The following DLC1 variants were observed in gnomAD, a reference collection of about 807,000 sequenced individuals.
The protein encoded by DLC1 is DLC1 Rho GTPase activating protein.
In DLC1, 54 loss-of-function variants were observed where a neutral mutation model predicts 140.3. The ratio of observed to expected loss-of-function variants is 0.38; its 90% CI spans 0.31 to 0.48. The LOEUF (loss-of-function observed/expected upper bound fraction) is 0.48. Ranked by LOEUF, DLC1 falls within the 20% of genes least tolerant of loss-of-function variation. The pLI is 0.96. For missense variants in DLC1, 2,536 were observed against 1,907.0 expected (o/e 1.33, Z -6.14); for synonymous variants, 986 against 728.1 (o/e 1.35, Z -5.70).
rs751705808 is a variant in DLC1 at position 13,115,703 on chromosome 8, C to T, written c.1349-46G>A. On this transcript the variant is annotated intron_variant, in intron 5 of 17. Coordinates refer to ENST00000276297, the MANE Select transcript of DLC1 (RefSeq NM_182643.3). The stretch of plus-strand genomic sequence containing the variant: ...GACAAAATTAGCCATGTGTACCTCG[C>T]CATGCTTATTTTTCCTGAATAAGCT... The T allele has an allele frequency of 4.7e-5, 74 of 1,576,670 alleles. No homozygotes were observed. The East Asian group carries it at 1.6e-3, about 35-fold the overall frequency.
At chr8:13,451,541 C>G (rs1799059038) in intron 2 of DLC1, among the ~76,000 whole-genome samples, 1 of 152,128 alleles carries the variant, frequency 6.6e-6, no homozygotes, top group Non-Finnish European at 1.5e-5. Context: ...CCTCTGGTAA[C>G]CAGCCTCCTA....
intron 1 of DLC1, among the ~76,000 whole-genome samples, chr8:13,577,875 A>G (rs1271723547): frequency 1.3e-5 from 2 of 152,082 alleles, no homozygotes; most frequent in Non-Finnish European, 2.9e-5. Context: ...ACCCATGACA[A>G]TTGTTGCTTT....
At chr8:13,176,600 C>A (rs1267444339) in intron 5 of DLC1, among the ~76,000 whole-genome samples, 2 of 152,058 alleles carry the variant, frequency 1.3e-5, no homozygotes, top group East Asian at 1.9e-4. Context: ...CACACAAAAC[C>A]CTCTCTTTTT....
At chr8:13,170,599 G>A (rs937272688) in intron 5 of DLC1, among the ~76,000 whole-genome samples, 5 of 151,860 alleles carry the variant, frequency 3.3e-5, no homozygotes, top group African/African-American at 4.8e-5. Context: ...GCATGGTGGC[G>A]GGCACCTGTA....
intron 4 of DLC1, among the ~76,000 whole-genome samples, chr8:13,381,214 C>G (rs1313996438): frequency 1.3e-5 from 2 of 152,154 alleles, no homozygotes; most frequent in African/African-American, 2.4e-5. Context: ...AGAGATGTAT[C>G]ACATGGCATC....
intron 1 of DLC1, among the ~76,000 whole-genome samples, chr8:13,554,684 T>G (rs1010711244): frequency 4.6e-5 from 7 of 152,170 alleles, no homozygotes; most frequent in Non-Finnish European, 1.0e-4. Context: ...GGTCCTTTCT[T>G]ACCACCTCTA....
Position 13,085,919 on chromosome 8 carries a change from T to C in DLC1, c.4479A>G (p.Pro1493=), listed in dbSNP as rs952660179. 2 of 1,614,140 alleles carry C rather than the reference T, an allele frequency of 1.2e-6. No individual in the cohort carries two copies. Among genetic ancestry groups the C allele is most frequent in the Non-Finnish European group, 8.5e-7 (1 of 1,180,028 alleles). The stretch of plus-strand genomic sequence containing the variant: ...GTCCAAAAGATTTTGTGTACCATTC[T>C]GGCATGTGGCCCCTATCAGAGAAAA... ...MCRVDLRGHM[P]EWYTKSFGHL... Residue 1493 remains proline, a synonymous_variant, in exon 18 of 18, where the codon CCA becomes CCG. Coordinates refer to ENST00000276297, the MANE Select transcript of DLC1 (RefSeq NM_182643.3).
At chr8:13,132,573 G>C (rs1045238400) in intron 5 of DLC1, among the ~76,000 whole-genome samples, 3 of 152,176 alleles carry the variant, frequency 2.0e-5, no homozygotes, top group Non-Finnish European at 4.4e-5. Flanking sequence ...AGGAAAGGAA[G>C]GTAGAAGGCG....
chr8:13,513,371 A>C (rs912199452), intron 1 of DLC1, among the ~76,000 whole-genome samples: 1 of 152,132 alleles, frequency 6.6e-6, no homozygotes. Context: ...TTTAACACAA[A>C]TTGTCAGTGA....
Position 13,499,184 on chromosome 8 carries a change from C to A in DLC1, c.888G>T (p.Lys296Asn). The A allele has an allele frequency of 6.2e-7, 1 of 1,614,182 alleles. No homozygotes were observed. Among genetic ancestry groups the A allele is most frequent in the Non-Finnish European group, 8.5e-7 (1 of 1,180,022 alleles). Reference sequence around the variant, plus strand: ...TGTTTTGATGTTGTGAAAAACCACTCTTCTCCAGGCCATTTTCAGCTGACA... The same window carrying A: ...TGTTTTGATGTTGTGAAAAACCACTATTCTCCAGGCCATTTTCAGCTGACA... ...NGMSAENGLE[K>N]SGFSQHQNKS... Residue 296 changes from lysine to asparagine, a missense_variant, in exon 2 of 18, where the codon AAG (lysine) becomes AAT (asparagine). Physicochemically the swap from Lys to Asn is moderately conservative, Grantham distance 94. Coordinates refer to ENST00000276297, the MANE Select transcript of DLC1 (RefSeq NM_182643.3).
In DLC1 at chr8:13,396,058, C is replaced by CTTTTTT. The variant is rs1458503033; in HGVS notation, c.1174-2366_1174-2365insAAAAAA. On this transcript the variant is annotated intron_variant, in intron 3 of 17. Transcript: ENST00000276297. ...GAAATATTTTGCATTAATTTCTTTT[C>CTTTTTT]TTTCTTTTTTTTTTTTTTTGAGACG... 5.7e-3 allele frequency among the ~76,000 whole-genome samples: 766 copies of CTTTTTT among 133,224 alleles called. 15 individuals are homozygous for CTTTTTT. The highest frequency in any genetic ancestry group is 9.1e-3 in the Non-Finnish European group (578 of 63,740). 87.4% of individuals were successfully genotyped at this position (133,224 alleles called of 152,430 possible). A position where few individuals can be genotyped will look rare whatever the true frequency, so the allele number is the denominator to read the frequency against.
chr8:13,535,774 A>T lies in DLC1; in HGVS notation c.-125-35578T>A, dbSNP rs111878282. 1.4e-4 allele frequency among the ~76,000 whole-genome samples: 22 copies of T among 152,052 alleles called. No individual in the cohort carries two copies. In the East Asian group the frequency reaches 1.7e-3, roughly 12 times the overall value. On this transcript the variant is annotated intron_variant, in intron 1 of 1. Coordinates refer to the DLC1 transcript ENST00000631382. ...TCTAAGTCATTATGCTGTATTTTGA[A>T]GTATATTAATATTTATAAAATGTCT...
intron 5 of DLC1, among the ~76,000 whole-genome samples, chr8:13,302,495 G>T (rs148264450): frequency 2.9e-4 from 44 of 152,238 alleles, no homozygotes; most frequent in Middle Eastern, 3.4e-3. Context: ...TCATAGCAAC[G>T]TGGATCAGAA....
At chr8:13,292,864 A>G (rs1831813396) in intron 5 of DLC1, among the ~76,000 whole-genome samples, 1 of 152,168 alleles carries the variant, frequency 6.6e-6, no homozygotes. Flanking sequence ...AATATAGTCT[A>G]TTGAAAATAT....
intron 2 of DLC1, among the ~76,000 whole-genome samples, chr8:13,494,229 T>C (rs962878876): frequency 5.3e-5 from 8 of 152,210 alleles, no homozygotes; most frequent in Admixed American, 2.0e-4. Context: ...TATGTTAGAG[T>C]GTATTCCTCA....
At position 13,090,287 on chromosome 8, in the gene DLC1, A is replaced by G; in HGVS notation, c.4039T>C (p.Ser1347Pro). The change falls in exon 15 of 18, where the codon TCC becomes CCC. Residue 1347 changes from serine to proline, a missense_variant. Transcript: ENST00000276297. ...KEKFKGWVSY[S>P]TSEQAELSYK... ...GACAGCTCAGCCTGCTCCGAAGTGGAGTAGCTGACCCAGCCTTTAAACTTC... is the reference window on the plus strand; with the variant it reads ...GACAGCTCAGCCTGCTCCGAAGTGGGGTAGCTGACCCAGCCTTTAAACTTC... 6.2e-7 allele frequency: 1 copy of G among 1,614,172 alleles called. No individual in the cohort carries two copies. Among genetic ancestry groups the G allele is most frequent in the Non-Finnish European group, 8.5e-7 (1 of 1,180,018 alleles).
At chr8:13,211,227 G>A (rs893185965) in intron 5 of DLC1, among the ~76,000 whole-genome samples, 1 of 152,112 alleles carries the variant, frequency 6.6e-6, no homozygotes, top group Non-Finnish European at 1.5e-5. Context: ...TGAATAATAC[G>A]CTTCTTACTT....
chr8:13,434,495 C>G (rs1331600881), intron 2 of DLC1, among the ~76,000 whole-genome samples: 1 of 151,902 alleles, frequency 6.6e-6, no homozygotes, highest in Admixed American at 6.6e-5. Flanking sequence ...TGTGTTCATG[C>G]ACATGTGTGT....
At chr8:13,334,861 G>A (rs1419944601) in intron 4 of DLC1, among the ~76,000 whole-genome samples, 1 of 152,184 alleles carries the variant, frequency 6.6e-6, no homozygotes, top group Admixed American at 6.5e-5. Context: ...CCTATTATGT[G>A]GCAGGCGCTG....
Sources: gnomAD v4.1 joint callset for allele counts (sites outside exome capture counted in the v4.1 genomes callset) on GRCh38, gnomAD v4.1.1 for gene constraint, MANE v1.5 for transcripts, NCBI Gene and HGNC (gene_info 2026-07-23, HGNC 2026-07-21) for gene names.